The following PDCD6IP variants were observed in gnomAD, a reference collection of about 807,000 sequenced individuals.
The protein encoded by PDCD6IP is programmed cell death 6 interacting protein, also known as programmed cell death 6-interacting protein.
Under a neutral mutation model 103.7 loss-of-function variants are expected in PDCD6IP, and 43 were observed. The ratio of observed to expected loss-of-function variants is 0.41; its 90% CI spans 0.32 to 0.53. The LOEUF is 0.53. Among genes scored for constraint, PDCD6IP ranks in the 20% least tolerant of loss-of-function variants. PDCD6IP has a pLI of 0.16. For synonymous variants in PDCD6IP, 354 were observed against 378.7 expected, an observed-to-expected ratio of 0.93 and a Z score of 0.76; for missense variants, 871 against 1,036.7, an observed-to-expected ratio of 0.84 and a Z score of 2.20.
At chr3:33,801,188 T>C (rs1696468712) in intron 1 of PDCD6IP, among the ~76,000 whole-genome samples, 1 of 152,210 alleles carries the variant, frequency 6.6e-6, no homozygotes, top group Non-Finnish European at 1.5e-5. Context: ...ATATACGCTG[T>C]AAAATTAGAT....
chr3:33,848,495 C>G (rs1156619835), intron 12 of PDCD6IP, among the ~76,000 whole-genome samples: 1 of 151,878 alleles, frequency 6.6e-6, no homozygotes, highest in African/African-American at 2.4e-5. Flanking sequence ...ACCTCTGCCT[C>G]CTGGGTTCAA....
At chr3:33,864,348 C>G (rs1698019734) in intron 16 of PDCD6IP, among the ~76,000 whole-genome samples, 1 of 152,118 alleles carries the variant, frequency 6.6e-6, no homozygotes, top group Non-Finnish European at 1.5e-5. Flanking sequence ...CTTAAACTTT[C>G]TGTTTATAGC....
rs189831866 is a variant in PDCD6IP at position 33,804,236 on chromosome 3, C to T, written c.209+5299C>T. Among the ~76,000 whole-genome samples, 9 of 152,268 alleles carry T rather than the reference C, an allele frequency of 5.9e-5. No homozygotes were observed. The East Asian group carries it at 7.7e-4, about 13-fold the overall frequency. On this transcript the variant is annotated intron_variant, in intron 1 of 17. Transcript: ENST00000307296. Reference sequence around the variant, plus strand: ...CTAGAGTCCCAGTTAGAGCACATCCCGCCTGCAGCTTGAATCTCAGGTTCC... The same window carrying T: ...CTAGAGTCCCAGTTAGAGCACATCCTGCCTGCAGCTTGAATCTCAGGTTCC...
rs1354074712 is a variant in PDCD6IP, at chr3:33,825,180, C to T, written c.463-7C>T. ...TCCTATAAAGAAATTCTTTTTCCCC[C>T]CTTTAGTTTGCTAGTGGTGCCTTTT... On this transcript the variant is annotated splice_region_variant and splice_polypyrimidine_tract_variant and intron_variant, in intron 4 of 17. Coordinates refer to ENST00000307296, the MANE Select transcript of PDCD6IP (RefSeq NM_013374.6). 2.5e-6 allele frequency: 4 copies of T among 1,603,924 alleles called. No homozygotes were observed. Among genetic ancestry groups the T allele is most frequent in the Non-Finnish European group, 3.4e-6 (4 of 1,177,424 alleles).
intron 7 of PDCD6IP, among the ~76,000 whole-genome samples, chr3:33,834,360 C>T (rs564520768): frequency 1.3e-5 from 2 of 152,294 alleles, no homozygotes; most frequent in South Asian, 2.1e-4. Flanking sequence ...CTGTGTATAG[C>T]GTACCTACGG....
chr3:33,826,736 T>G (rs1697135658), intron 6 of PDCD6IP, 156 bp downstream of exon 6: 1 of 1,350,938 alleles, frequency 7.4e-7, no homozygotes, highest in Admixed American at 3.3e-5. Context: ...TTTTTTTTAA[T>G]TTAAGATGCA....
intron 4 of PDCD6IP, among the ~76,000 whole-genome samples, chr3:33,823,705 C>A (rs578203430): frequency 6.6e-6 from 1 of 152,062 alleles, no homozygotes; most frequent in African/African-American, 2.4e-5. Flanking sequence ...TCTCTTGAAC[C>A]GAGGAGGCGG....
chr3:33,846,064 A>G (rs936514986), intron 12 of PDCD6IP, among the ~76,000 whole-genome samples: 1 of 152,224 alleles, frequency 6.6e-6, no homozygotes, highest in Non-Finnish European at 1.5e-5. Context: ...GATGACAGGA[A>G]AGAGAAAATT....
Position 33,812,129 on chromosome 3 carries a change from A to G in PDCD6IP, c.264+3A>G, listed in dbSNP as rs1274701627. The stretch of plus-strand genomic sequence containing the variant: ...AATTCCCATTTTCTGAAAATCAGGT[A>G]AGTCATTAATTCTGTCTTAAAATTA... On this transcript the variant is annotated splice_donor_region_variant and intron_variant, in intron 2 of 17. Coordinates refer to ENST00000307296, the MANE Select transcript of PDCD6IP (RefSeq NM_013374.6). 1.2e-6 allele frequency: 2 copies of G among 1,600,938 alleles called. No individual in the cohort carries two copies. The highest frequency in any genetic ancestry group is 1.7e-6 in the Non-Finnish European group (2 of 1,173,680).
At chr3:33,841,582 GCGCCCGCCACCA>G (rs899504095) in intron 9 of PDCD6IP, among the ~76,000 whole-genome samples, 11 of 151,262 alleles carry the variant, frequency 7.3e-5, no homozygotes, top group Middle Eastern at 3.4e-3. Context: ...GGGACTACAG[GCGCCCGCCACCA>G]CGCCCGGCTA....
chr3:33,813,268 A>G (rs1696758178), intron 2 of PDCD6IP: 1 of 225,930 alleles, frequency 4.4e-6, no homozygotes, highest in Non-Finnish European at 8.6e-6. Context: ...TTTGACAAGG[A>G]TCTACTACTT....
At chr3:33,817,001 CCTTCAGTAATGT>C (rs1696868028) in intron 3 of PDCD6IP, among the ~76,000 whole-genome samples, 1 of 152,004 alleles carries the variant, frequency 6.6e-6, no homozygotes, top group African/African-American at 2.4e-5. Context: ...AATTAAATGT[CCTTCAGTAATGT>C]CTTGGTTAAA....
At chr3:33,814,082 C>T (rs953551028) in intron 3 of PDCD6IP, among the ~76,000 whole-genome samples, 2 of 151,928 alleles carry the variant, frequency 1.3e-5, no homozygotes, top group Non-Finnish European at 2.9e-5. Flanking sequence ...GCAAGATAAC[C>T]TCTCTGTGCC....
intron 4 of PDCD6IP, among the ~76,000 whole-genome samples, chr3:33,824,664 G>A (rs1697072399): frequency 1.3e-5 from 2 of 152,234 alleles, no homozygotes; most frequent in South Asian, 2.1e-4. Context: ...TAATTGAGAT[G>A]AAAAATCTGA....
At chr3:33,809,383 G>A (rs541133854) in intron 1 of PDCD6IP, among the ~76,000 whole-genome samples, 2 of 152,310 alleles carry the variant, frequency 1.3e-5, no homozygotes, top group African/African-American at 4.8e-5. Context: ...AAAGAGTGAA[G>A]GCCCTGAGCA....
chr3:33,845,124 C>T (rs972909498), intron 11 of PDCD6IP, among the ~76,000 whole-genome samples: 4 of 151,222 alleles, frequency 2.6e-5, no homozygotes, highest in African/African-American at 4.9e-5. Context: ...ATGATTTCTT[C>T]TTCATTCATG....
rs1481574854 is a variant in PDCD6IP, at chr3:33,868,228, A to G, written c.*1703A>G. 2 of 152,222 alleles carry G rather than the reference A, an allele frequency of 1.3e-5. No individual in the cohort carries two copies. Among genetic ancestry groups the G allele is most frequent in the African/African-American group, 4.8e-5 (2 of 41,448 alleles). The allele number at this position is 152,222 out of a possible 1,614,324, so 9.4% of individuals were successfully genotyped here. A position where few individuals can be genotyped will look rare whatever the true frequency, so the allele number is the denominator to read the frequency against. ...ACATTCTTATTACTTGAGGTACTTTATACTAACATAAGACAGTGAGAGTTA... is the reference window on the plus strand; with the variant it reads ...ACATTCTTATTACTTGAGGTACTTTGTACTAACATAAGACAGTGAGAGTTA... On this transcript the variant is annotated 3_prime_UTR_variant, in exon 18 of 18. Transcript: ENST00000307296.
chr3:33,841,628 C>G (rs529013374), intron 9 of PDCD6IP, among the ~76,000 whole-genome samples: 4 of 149,642 alleles, frequency 2.7e-5, no homozygotes, highest in African/African-American at 7.4e-5. Context: ...TTAGTAGAGA[C>G]GGGGTTTCAC....
At chr3:33,864,272 A>T (rs1698018539) in intron 16 of PDCD6IP, 143 bp downstream of exon 16, 1 of 599,568 alleles carries the variant, frequency 1.7e-6, no homozygotes, top group African/African-American at 1.9e-5. Flanking sequence ...ATTTTGCAAT[A>T]TGTAGAACAC....
Sources: gnomAD v4.1 joint callset for allele counts (sites outside exome capture counted in the v4.1 genomes callset) on GRCh38, gnomAD v4.1.1 for gene constraint, MANE v1.5 for transcripts, NCBI Gene and HGNC (gene_info 2026-07-23, HGNC 2026-07-21) for gene names.